Variants in PARD3 observed in about 807,000 individuals in gnomAD.
PARD3 encodes the protein partitioning defective 3 homolog.
In PARD3, 75 loss-of-function variants were observed where a neutral mutation model predicts 155.4. The ratio of observed to expected loss-of-function variants is 0.48; its 90% CI spans 0.40 to 0.58. The LOEUF is 0.58. Ranked by LOEUF, PARD3 falls within the 20% of genes least tolerant of loss-of-function variation. PARD3 has a pLI of 0.00. For missense variants in PARD3, 1,642 were observed against 1,721.7 expected, an observed-to-expected ratio of 0.95 and a Z score of 0.82; for synonymous variants, 576 against 610.5, an observed-to-expected ratio of 0.94 and a Z score of 0.83.
chr10:34,305,452 G>T (rs530741240), intron 20 of PARD3, among the ~76,000 whole-genome samples: 4 of 152,360 alleles, frequency 2.6e-5, no homozygotes, highest in South Asian at 4.1e-4. Context: ...CACAAAGCTT[G>T]TAAGGAGTAA....
Position 34,384,189 on chromosome 10 carries a change from C to A in PARD3, c.956G>T (p.Arg319Leu), listed in dbSNP as rs779397128. ...GGKAEHENLF[R>L]ENDCIVRIND... The stretch of plus-strand genomic sequence containing the variant: ...AATCCTGACAATGCAATCATTCTCA[C>A]GAAAAAGATTTTCATGTTCAGCTTT... Residue 319 changes from arginine to leucine, a missense_variant, in exon 8 of 25, where the codon CGT becomes CTT. Around this residue, in one of 3 missense-constraint regions of PARD3, gnomAD observed 1,529 missense variants for 1,587.3 expected, o/e 0.96. Transcript: ENST00000374788. 3.7e-6 allele frequency: 6 copies of A among 1,613,266 alleles called. No individual in the cohort carries two copies. The highest frequency in any genetic ancestry group is 5.1e-6 in the Non-Finnish European group (6 of 1,179,346).
chr10:34,604,121 C>T (rs1294756488), intron 2 of PARD3, among the ~76,000 whole-genome samples: 1 of 152,176 alleles, frequency 6.6e-6, no homozygotes, highest in Non-Finnish European at 1.5e-5. Flanking sequence ...AACTGCAACC[C>T]ATCAGTCAAC....
chr10:34,389,097 T>C (rs1468502932), intron 7 of PARD3, among the ~76,000 whole-genome samples: 2 of 152,040 alleles, frequency 1.3e-5, no homozygotes, highest in Non-Finnish European at 2.9e-5. Context: ...CCTCTTCTAG[T>C]CTCCTATATT....
At chr10:34,171,688 C>T (rs369138714) in intron 22 of PARD3, among the ~76,000 whole-genome samples, 1 of 151,936 alleles carries the variant, frequency 6.6e-6, no homozygotes. Flanking sequence ...GTGGCTCACA[C>T]CTGTAATCCC....
chr10:34,783,173 G>C (rs891064193), intron 1 of PARD3, among the ~76,000 whole-genome samples: 12 of 152,290 alleles, frequency 7.9e-5, no homozygotes, highest in Admixed American at 1.3e-4. Context: ...CACACTGAAT[G>C]ATGGCACTCT....
At chr10:34,636,695 G>A (rs1005480057) in intron 2 of PARD3, among the ~76,000 whole-genome samples, 1 of 152,162 alleles carries the variant, frequency 6.6e-6, no homozygotes, top group Non-Finnish European at 1.5e-5. Flanking sequence ...CTGTCTCCAC[G>A]TTAATTTGAC....
At chr10:34,464,877 A>G (rs2133008936) in intron 4 of PARD3, among the ~76,000 whole-genome samples, 1 of 152,272 alleles carries the variant, frequency 6.6e-6, no homozygotes, top group East Asian at 1.9e-4. Flanking sequence ...TGTCATTACT[A>G]CTCATCTTCA....
chr10:34,767,668 G>T (rs1215765377), intron 1 of PARD3, among the ~76,000 whole-genome samples: 1 of 151,876 alleles, frequency 6.6e-6, no homozygotes, highest in Non-Finnish European at 1.5e-5. Flanking sequence ...GCATAATCTG[G>T]GCTCACTGCA....
At chr10:34,718,289 CAAAG>C (rs1250842140) in intron 1 of PARD3, among the ~76,000 whole-genome samples, 2 of 151,932 alleles carry the variant, frequency 1.3e-5, no homozygotes, top group East Asian at 1.9e-4. Flanking sequence ...ACACTAAAGA[CAAAG>C]AACGCTTCAT....
intron 4 of PARD3, among the ~76,000 whole-genome samples, chr10:34,454,266 G>A (rs2077215716): frequency 6.6e-6 from 1 of 152,000 alleles, no homozygotes; most frequent in Non-Finnish European, 1.5e-5. Flanking sequence ...AAGGACTGTA[G>A]GCCTGTAAAG....
At chr10:34,758,655 T>C (rs1193835594) in intron 1 of PARD3, among the ~76,000 whole-genome samples, 1 of 152,232 alleles carries the variant, frequency 6.6e-6, no homozygotes, top group Non-Finnish European at 1.5e-5. Context: ...CAGTGTAATA[T>C]GGAAATGTGT....
At chr10:34,332,977 C>T (rs1262179141) in intron 18 of PARD3, among the ~76,000 whole-genome samples, 2 of 152,068 alleles carry the variant, frequency 1.3e-5, no homozygotes, top group Non-Finnish European at 2.9e-5. Context: ...AAAGATCATT[C>T]CTGGGCAGGG....
chr10:34,232,490 C>T (rs1952984704), intron 22 of PARD3, among the ~76,000 whole-genome samples: 1 of 152,116 alleles, frequency 6.6e-6, no homozygotes, highest in African/African-American at 2.4e-5. Flanking sequence ...AACAACTTAT[C>T]TTCTGAGATT....
At chr10:34,497,045 T>C (rs1434402499) in intron 3 of PARD3, among the ~76,000 whole-genome samples, 3 of 152,170 alleles carry the variant, frequency 2.0e-5, no homozygotes, top group Non-Finnish European at 4.4e-5. Context: ...TTAGAGCTGA[T>C]AGTTGAGCTG....
intron 22 of PARD3, among the ~76,000 whole-genome samples, chr10:34,194,380 G>C (rs1950846645): frequency 6.6e-6 from 1 of 152,078 alleles, no homozygotes. Context: ...GCAGGTTCAG[G>C]AGCTGCCTGT....
rs778015751 is a variant in PARD3, at chr10:34,372,567, G to A, written c.1669-31C>T. ...AGAATTGAAGAAAAACATAAATACA[G>A]ACTGACCAAAGCCATCTTCAACACA... On this transcript the variant is annotated intron_variant, in intron 11 of 24. Transcript: ENST00000374788. 2.6e-6 allele frequency: 4 copies of A among 1,554,514 alleles called. No individual in the cohort carries two copies. The South Asian group carries it at 4.5e-5, about 17-fold the overall frequency.
chr10:34,542,250 C>CAT (rs2083691095), intron 2 of PARD3, among the ~76,000 whole-genome samples: 1 of 138,788 alleles, frequency 7.2e-6, no homozygotes, highest in South Asian at 2.4e-4. Flanking sequence ...CACACACACA[C>CAT]ACGCTTGCAT....
At chr10:34,553,290 C>T (rs2084735609) in intron 2 of PARD3, among the ~76,000 whole-genome samples, 1 of 152,132 alleles carries the variant, frequency 6.6e-6, no homozygotes, top group African/African-American at 2.4e-5. Flanking sequence ...GGCTTCCTCC[C>T]CAGTCTCTGA....
chr10:34,473,829 A>G (rs1369074157), intron 3 of PARD3, among the ~76,000 whole-genome samples: 1 of 152,212 alleles, frequency 6.6e-6, no homozygotes, highest in East Asian at 1.9e-4. Context: ...CATGTAATTA[A>G]AAGTGAGTAT....
Sources: allele counts gnomAD v4.1 joint callset (sites outside exome capture counted in the v4.1 genomes callset), GRCh38; gene constraint gnomAD v4.1.1; regional missense constraint gnomAD v4.1.1; transcripts MANE v1.5; gene names NCBI Gene and HGNC (gene_info 2026-07-23, HGNC 2026-07-21).